The following NFKB1 variants were observed in gnomAD, a reference collection of about 807,000 sequenced individuals.
The protein encoded by NFKB1 is nuclear factor NF-kappa-B p105 subunit.
Under a neutral mutation model 105.1 loss-of-function variants are expected in NFKB1, and 9 were observed. That is an observed-to-expected ratio of 0.09 (90% CI 0.05 to 0.15). NFKB1 has a LOEUF of 0.15. Ranked by LOEUF, NFKB1 falls within the 10% of genes least tolerant of loss-of-function variation. NFKB1 has a pLI of 1.00. For synonymous variants in NFKB1, 440 were observed against 442.2 expected (o/e 1.00, Z 0.06); for missense variants, 830 against 1,203.7 (o/e 0.69, Z 4.59).
chr4:102,505,111 T>G (rs937410472), intron 1 of NFKB1, among the ~76,000 whole-genome samples: 4 of 152,214 alleles, frequency 2.6e-5, no homozygotes, highest in Non-Finnish European at 5.9e-5. Flanking sequence ...TGCAAATTAA[T>G]ATACTGTCTT....
chr4:102,503,103 A>G (rs1301179989), intron 1 of NFKB1, among the ~76,000 whole-genome samples: 1 of 152,216 alleles, frequency 6.6e-6, no homozygotes, highest in African/African-American at 2.4e-5. Flanking sequence ...TGTTTGAGGC[A>G]CTATAGGAAT....
chr4:102,596,920 T>C (rs1293330522), intron 14 of NFKB1, among the ~76,000 whole-genome samples: 2 of 152,032 alleles, frequency 1.3e-5, no homozygotes, highest in African/African-American at 4.8e-5. Context: ...CTATCACATA[T>C]GCTTTTTTTT....
intron 5 of NFKB1, among the ~76,000 whole-genome samples, chr4:102,545,813 C>T (rs533510216): frequency 6.6e-6 from 1 of 152,042 alleles, no homozygotes; most frequent in East Asian, 1.9e-4. Context: ...AGAATACATG[C>T]CATTATATAA....
intron 5 of NFKB1, among the ~76,000 whole-genome samples, chr4:102,538,629 G>C (rs17032771): frequency 0.028 from 4,248 of 152,168 alleles, 187 homozygotes; most frequent in African/African-American, 0.094. Flanking sequence ...CCATGTTCAG[G>C]CTGTTTGTTT....
chr4:102,552,395 C>T (rs1444413350), intron 5 of NFKB1, among the ~76,000 whole-genome samples: 5 of 152,176 alleles, frequency 3.3e-5, no homozygotes, highest in Admixed American at 3.3e-4. Context: ...GTTTCAGTTG[C>T]TGCTGACAGT....
intron 23 of NFKB1, 77 bp downstream of exon 23, chr4:102,613,658 G>C: frequency 1.3e-6 from 2 of 1,484,892 alleles, no homozygotes; most frequent in Non-Finnish European, 9.0e-7. Context: ...TTTTGGATAT[G>C]GTGTGGCAGT....
At chr4:102,576,725 A>ATTC in intron 6 of NFKB1, 151 bp from the exon 7 acceptor site, 1 of 776,480 alleles carries the variant, frequency 1.3e-6, no homozygotes, top group Non-Finnish European at 2.0e-6. Flanking sequence ...AATACCCTAA[A>ATTC]TTCTGAAATG....
At chr4:102,603,832 A>AC (rs1214625260) in intron 16 of NFKB1, among the ~76,000 whole-genome samples, 1 of 152,000 alleles carries the variant, frequency 6.6e-6, no homozygotes, top group Non-Finnish European at 1.5e-5. Context: ...CTCCCCACCC[A>AC]CCCTCTAGAA....
At chr4:102,537,663 A>C (rs1189388399) in intron 4 of NFKB1, 195 bp from the exon 5 acceptor site, 7 of 457,942 alleles carry the variant, frequency 1.5e-5, no homozygotes, top group Non-Finnish European at 2.8e-5. Flanking sequence ...TAGTGTACAA[A>C]TATCAATTAA....
chr4:102,597,984 G>A (rs1209020440), intron 15 of NFKB1, among the ~76,000 whole-genome samples: 2 of 152,184 alleles, frequency 1.3e-5, no homozygotes, highest in Non-Finnish European at 2.9e-5. Context: ...TTGGAGAATT[G>A]TTAAGAGTCC....
chr4:102,612,439 A>G lies in NFKB1; in HGVS notation c.2425A>G (p.Met809Val), dbSNP rs1728510282. 7 of 1,612,618 alleles carry G rather than the reference A, an allele frequency of 4.3e-6. No individual in the cohort carries two copies. The Admixed American group carries it at 1.2e-4, about 27-fold the overall frequency. ...TSDDLLAQGD[M>V]KQLAEDVKLQ... The stretch of plus-strand genomic sequence containing the variant: ...TCCTTCTTCATTTCCTTCAGGAGAC[A>G]TGAAACAGCTGGCTGAAGATGTGAA... The change falls in exon 22 of 24, where the codon ATG (methionine) becomes GTG (valine). Residue 809 changes from methionine to valine, a missense_variant. Transcript: ENST00000226574.
chr4:102,528,293 A>G (rs916832842), intron 2 of NFKB1, among the ~76,000 whole-genome samples: 3 of 152,168 alleles, frequency 2.0e-5, no homozygotes, highest in African/African-American at 7.2e-5. Context: ...CCATTTTTGC[A>G]GAACATGGTT....
At chr4:102,504,137 C>T (rs941503862) in intron 1 of NFKB1, among the ~76,000 whole-genome samples, 1 of 152,004 alleles carries the variant, frequency 6.6e-6, no homozygotes, top group African/African-American at 2.4e-5. Flanking sequence ...GAAAAGTAGT[C>T]GATATTTTCA....
chr4:102,544,771 TCA>T (rs1394851499), intron 5 of NFKB1, among the ~76,000 whole-genome samples: 1 of 152,168 alleles, frequency 6.6e-6, no homozygotes, highest in Non-Finnish European at 1.5e-5. Context: ...AGAAAACCTA[TCA>T]CACAGATAAT....
In NFKB1 at chr4:102,616,603, C is replaced by G; in HGVS notation, c.*9C>G. Reference sequence around the variant, plus strand: ...TAGAAGGCAAAATTTAGCCTGCTGACAATTTCCCACACCGTGTAAACCAAA... The same window carrying G: ...TAGAAGGCAAAATTTAGCCTGCTGAGAATTTCCCACACCGTGTAAACCAAA... On this transcript the variant is annotated 3_prime_UTR_variant, in exon 24 of 24. Coordinates refer to ENST00000226574, the MANE Select transcript of NFKB1 (RefSeq NM_003998.4). 4 of 1,613,196 alleles carry G rather than the reference C, an allele frequency of 2.5e-6. No individual in the cohort carries two copies. Among genetic ancestry groups the G allele is most frequent in the Non-Finnish European group, 3.4e-6 (4 of 1,179,576 alleles).
At chr4:102,537,075 A>G (rs1318813782) in intron 4 of NFKB1, among the ~76,000 whole-genome samples, 1 of 152,216 alleles carries the variant, frequency 6.6e-6, no homozygotes, top group Non-Finnish European at 1.5e-5. Context: ...ATGGTCTGGT[A>G]TAATCTTCCC....
At chr4:102,531,703 G>A (rs55880186) in intron 3 of NFKB1, among the ~76,000 whole-genome samples, 2,709 of 152,170 alleles carry the variant, frequency 0.018, 39 homozygotes, top group African/African-American at 0.045. Context: ...TAATTTTCTA[G>A]TTGATTTAAC....
chr4:102,585,834 T>C (rs113230779), intron 11 of NFKB1, among the ~76,000 whole-genome samples: 63 of 152,228 alleles, frequency 4.1e-4, no homozygotes, highest in African/African-American at 1.5e-3. Context: ...AGGAGAGGGT[T>C]CTCTAGGTTT....
At chr4:102,584,912 G>A (rs1219956644) in intron 11 of NFKB1, 92 bp downstream of exon 11, 4 of 1,263,492 alleles carry the variant, frequency 3.2e-6, no homozygotes, top group Non-Finnish European at 4.3e-6. Context: ...GACAGAGTCT[G>A]ACTCTGTTGC....
Sources: gnomAD v4.1 joint callset for allele counts (sites outside exome capture counted in the v4.1 genomes callset) on GRCh38, gnomAD v4.1.1 for gene constraint, MANE v1.5 for transcripts, NCBI Gene and HGNC (gene_info 2026-07-23, HGNC 2026-07-21) for gene names.